RBFOX2: variants seen among roughly 807,000 people sequenced by gnomAD.
The protein encoded by RBFOX2 is RNA binding fox-1 homolog 2.
A neutral mutation model predicts 49.1 loss-of-function variants in RBFOX2; 10 were observed. The ratio of observed to expected loss-of-function variants is 0.20; its 90% CI spans 0.13 to 0.35. RBFOX2 has a LOEUF of 0.35. RBFOX2 is among the 10% of genes least tolerant of loss of function. The pLI is 1.00. For missense variants in RBFOX2, 323 were observed against 486.9 expected (o/e 0.66, Z 3.17); for synonymous variants, 183 against 187.4 (o/e 0.98, Z 0.19).
chr22:35,894,670 T>C (rs569370405), intron 1 of RBFOX2, among the ~76,000 whole-genome samples: 5 of 152,238 alleles, frequency 3.3e-5, no homozygotes, highest in African/African-American at 1.2e-4. Flanking sequence ...CGCTAGGTTT[T>C]AAAAACCTAA....
chr22:35,951,537 G>A (rs768257870), intron 1 of RBFOX2, among the ~76,000 whole-genome samples: 5 of 152,026 alleles, frequency 3.3e-5, no homozygotes, highest in East Asian at 1.9e-4. Flanking sequence ...AAGCCACTGC[G>A]CCTGGAGGTA....
exon 12 of RBFOX2, chr22:35,739,534 G>A (rs1928771949): frequency 6.6e-6 from 1 of 152,650 alleles, no homozygotes; most frequent in South Asian, 2.1e-4. Context: ...CAGCCAAAAT[G>A]AGCTGCCAAA....
chr22:35,780,947 T>C (rs1463118302), intron 3 of RBFOX2, among the ~76,000 whole-genome samples: 1 of 152,174 alleles, frequency 6.6e-6, no homozygotes, highest in Non-Finnish European at 1.5e-5. Context: ...ACCTAGTTTC[T>C]TTGGTCTTGG....
At chr22:35,756,193 A>G in intron 9 of RBFOX2, 49 bp from the exon 11 acceptor site, 1 of 1,478,260 alleles carries the variant, frequency 6.8e-7, no homozygotes, top group East Asian at 2.7e-5. Flanking sequence ...AAAAGAACAG[A>G]AACACATTCC....
At chr22:35,771,626 A>G (rs1282303892) in intron 4 of RBFOX2, among the ~76,000 whole-genome samples, 1 of 152,206 alleles carries the variant, frequency 6.6e-6, no homozygotes, top group Non-Finnish European at 1.5e-5. Context: ...AGGTATGACT[A>G]GAATTTTTGA....
chr22:35,979,816 G>A lies in RBFOX2; in HGVS notation c.187-40919C>T, dbSNP rs538203905. Reference sequence around the variant, plus strand: ...TCCTAAAGCTCAGAAAGGTTAAAACGTGGTTCAACAAGTGTCAGTGCCATA... The same window carrying A: ...TCCTAAAGCTCAGAAAGGTTAAAACATGGTTCAACAAGTGTCAGTGCCATA... On this transcript the variant is annotated intron_variant, in intron 1 of 13. Coordinates refer to the RBFOX2 transcript ENST00000438146. Among the ~76,000 whole-genome samples, 43 of 152,304 alleles carry A rather than the reference G, an allele frequency of 2.8e-4. No homozygotes were observed. In the East Asian group the frequency reaches 7.9e-3, roughly 28 times the overall value.
At chr22:36,026,090 C>T (rs968225643) in intron 1 of RBFOX2, among the ~76,000 whole-genome samples, 1 of 151,956 alleles carries the variant, frequency 6.6e-6, no homozygotes, top group African/African-American at 2.4e-5. Context: ...CCTGGTGAAA[C>T]CCCCTCTCTA....
chr22:35,749,080 A>C lies in RBFOX2; in HGVS notation c.888-2519T>G, dbSNP rs541911901. Among the ~76,000 whole-genome samples, 2 of 152,352 alleles carry C rather than the reference A, an allele frequency of 1.3e-5. No individual in the cohort carries two copies. The highest frequency in any genetic ancestry group is 3.9e-4 in the East Asian group (2 of 5,192). On this transcript the variant is annotated intron_variant, in intron 9 of 11. Transcript: ENST00000405409. This position sits in a 1 kb window ranked among gnomAD's most constrained non-coding sequence, Gnocchi z 4.1. ...TGTTACTGCTAATCAAAACAATTCAAATGGATCAGACTATGGAAAAGAATC... is the reference window on the plus strand; with the variant it reads ...TGTTACTGCTAATCAAAACAATTCACATGGATCAGACTATGGAAAAGAATC...
rs1342358454 is a variant in RBFOX2, at chr22:35,879,977, G to A, written c.-34+58870C>T. Among the ~76,000 whole-genome samples the A allele has an allele frequency of 6.6e-5, 10 of 152,142 alleles. No homozygotes were observed. In the East Asian group the frequency reaches 9.6e-4, roughly 15 times the overall value. The stretch of plus-strand genomic sequence containing the variant: ...TCGAGACCAGCATGGCCAACATGGC[G>A]AAACCCTGTCTCTACTAAAAATACA... On this transcript the variant is annotated intron_variant, in intron 1 of 13. Coordinates refer to the RBFOX2 transcript ENST00000359369.
chr22:35,935,412 T>C (rs1464336530), intron 1 of RBFOX2, among the ~76,000 whole-genome samples: 1 of 152,136 alleles, frequency 6.6e-6, no homozygotes, highest in Non-Finnish European at 1.5e-5. Context: ...TCTTAATAGA[T>C]CAAGAAAGAA....
intron 1 of RBFOX2, among the ~76,000 whole-genome samples, chr22:35,827,608 CCA>C (rs1956026062): frequency 6.6e-6 from 1 of 152,172 alleles, no homozygotes; most frequent in Non-Finnish European, 1.5e-5. Context: ...CTCACACCTT[CCA>C]CTTCTGCCAA....
intron 9 of RBFOX2, among the ~76,000 whole-genome samples, chr22:35,751,934 CATAA>C (rs1203063667): frequency 6.6e-6 from 1 of 152,144 alleles, no homozygotes; most frequent in African/African-American, 2.4e-5. Flanking sequence ...TGGGTAGCCA[CATAA>C]ATAAACTGGA....
At chr22:35,858,607 T>A (rs542813461) in intron 1 of RBFOX2, among the ~76,000 whole-genome samples, 29 of 151,982 alleles carry the variant, frequency 1.9e-4, no homozygotes, top group African/African-American at 6.8e-4. Context: ...GGGTGGATCA[T>A]TTGAAGTCAG....
At chr22:35,847,221 T>C (rs2041332052) in intron 1 of RBFOX2, among the ~76,000 whole-genome samples, 1 of 152,124 alleles carries the variant, frequency 6.6e-6, no homozygotes, top group African/African-American at 2.4e-5. Context: ...AAAATAATCA[T>C]TTTCAATGGC....
intron 1 of RBFOX2, among the ~76,000 whole-genome samples, chr22:36,022,932 T>G (rs2059299269): frequency 6.6e-6 from 1 of 152,102 alleles, no homozygotes; most frequent in African/African-American, 2.4e-5. Flanking sequence ...CCTCCAAAAC[T>G]GTGAGAAATA....
intron 1 of RBFOX2, among the ~76,000 whole-genome samples, chr22:35,908,434 T>C (rs2049374631): frequency 6.6e-6 from 1 of 152,214 alleles, no homozygotes. Context: ...TACAGTTGGG[T>C]AAAATCATTT....
intron 2 of RBFOX2, among the ~76,000 whole-genome samples, chr22:35,798,267 A>G (rs1348698780): frequency 1.3e-5 from 2 of 152,160 alleles, no homozygotes; most frequent in Non-Finnish European, 2.9e-5. Flanking sequence ...GAGCCACTGC[A>G]CCAGGCCTGT....
At chr22:35,917,922 G>A (rs1005209317) in intron 1 of RBFOX2, among the ~76,000 whole-genome samples, 6 of 152,214 alleles carry the variant, frequency 3.9e-5, no homozygotes, top group African/African-American at 1.4e-4. Flanking sequence ...CACTGAGAAT[G>A]AAGGCTCAAT....
chr22:35,768,294 T>C, exon 5 of RBFOX2: 1 of 1,614,186 alleles, frequency 6.2e-7, no homozygotes. Context: ...GCCGTGTAAT[T>C]TCTCCCTGGC....
Sources: allele counts gnomAD v4.1 joint callset (sites outside exome capture counted in the v4.1 genomes callset), GRCh38; gene constraint gnomAD v4.1.1; non-coding constraint Gnocchi (gnomAD v3.1); transcripts MANE v1.5; gene names NCBI Gene and HGNC (gene_info 2026-07-23, HGNC 2026-07-21).